PDGFRL: variants seen among roughly 807,000 people sequenced by gnomAD.
PDGFRL encodes platelet-derived growth factor receptor-like protein.
In PDGFRL, 46 loss-of-function variants were observed where a neutral mutation model predicts 37.2. That is an observed-to-expected ratio of 1.24 (90% CI 0.98 to 1.58). PDGFRL has a LOEUF of 1.58. PDGFRL is among the 40% of genes most tolerant of loss of function. The pLI is 0.00. For synonymous variants in PDGFRL, 251 were observed against 184.3 expected, an observed-to-expected ratio of 1.36 and a Z score of -2.93; for missense variants, 692 against 467.6, an observed-to-expected ratio of 1.48 and a Z score of -4.43.
chr8:17,584,863 T>C (rs1170603629), intron 1 of PDGFRL, among the ~76,000 whole-genome samples: 5 of 152,120 alleles, frequency 3.3e-5, no homozygotes, highest in African/African-American at 1.2e-4. Context: ...GCAAATCTAT[T>C]AAGAAAGTAA....
intron 2 of PDGFRL, among the ~76,000 whole-genome samples, chr8:17,601,595 G>A (rs1346743306): frequency 6.6e-6 from 1 of 152,118 alleles, no homozygotes; most frequent in Non-Finnish European, 1.5e-5. Context: ...CCGATAGGTA[G>A]TTTCTCAGTC....
intron 5 of PDGFRL, among the ~76,000 whole-genome samples, chr8:17,635,943 C>T (rs184349707): frequency 6.6e-6 from 1 of 152,144 alleles, no homozygotes; most frequent in Admixed American, 6.5e-5. Flanking sequence ...CTATTCATGT[C>T]CTAAGCCCAA....
chr8:17,638,900 C>T (rs1228782917), intron 5 of PDGFRL, among the ~76,000 whole-genome samples: 1 of 151,102 alleles, frequency 6.6e-6, no homozygotes, highest in Non-Finnish European at 1.5e-5. Flanking sequence ...AGAACAGCTA[C>T]TCCTCTATAA....
At chr8:17,626,848 A>C (rs1804744315) in intron 3 of PDGFRL, among the ~76,000 whole-genome samples, 2 of 152,004 alleles carry the variant, frequency 1.3e-5, no homozygotes, top group African/African-American at 4.8e-5. Flanking sequence ...CTCCCATTTC[A>C]GTAAGATAAA....
At chr8:17,596,929 T>C (rs1804065376) in intron 2 of PDGFRL, among the ~76,000 whole-genome samples, 1 of 152,254 alleles carries the variant, frequency 6.6e-6, no homozygotes, top group Admixed American at 6.5e-5. Context: ...TGTTTTCTTT[T>C]TTCCGTAGAA....
At chr8:17,588,251 T>C (rs531777483) in intron 1 of PDGFRL, among the ~76,000 whole-genome samples, 1 of 152,324 alleles carries the variant, frequency 6.6e-6, no homozygotes, top group East Asian at 1.9e-4. Flanking sequence ...ATAATTTATA[T>C]GTAAGCTTCA....
chr8:17,601,546 G>T (rs1443043577), intron 2 of PDGFRL, among the ~76,000 whole-genome samples: 3 of 152,016 alleles, frequency 2.0e-5, no homozygotes, highest in Non-Finnish European at 4.4e-5. Flanking sequence ...CGAGGGTTTG[G>T]TGTAGATTAT....
chr8:17,633,976 A>G, intron 4 of PDGFRL, 98 bp from the exon 5 acceptor site: 6 of 1,272,770 alleles, frequency 4.7e-6, no homozygotes, highest in Non-Finnish European at 6.9e-6. Context: ...AGAAAGGCAG[A>G]AAATTCCATC....
In PDGFRL at chr8:17,598,999, G is replaced by T. The variant is rs1461958681; in HGVS notation, c.353+9234G>T. 5.3e-5 allele frequency among the ~76,000 whole-genome samples: 8 copies of T among 152,216 alleles called. No homozygotes were observed. The South Asian group carries it at 1.5e-3, about 28-fold the overall frequency. ...TCCTTTATACATTACTCAGTCTCAG[G>T]TATGTCTTTATTAGCAATGTGAGAA... On this transcript the variant is annotated intron_variant, in intron 2 of 5. Coordinates refer to ENST00000251630, the MANE Select transcript of PDGFRL (RefSeq NM_001372073.1).
intron 2 of PDGFRL, among the ~76,000 whole-genome samples, chr8:17,614,135 G>C (rs924340300): frequency 6.6e-6 from 1 of 152,178 alleles, no homozygotes; most frequent in Non-Finnish European, 1.5e-5. Flanking sequence ...ATAAATGATA[G>C]ATTGATTCGT....
chr8:17,623,751 G>C (rs1804679195), intron 3 of PDGFRL, among the ~76,000 whole-genome samples: 1 of 151,932 alleles, frequency 6.6e-6, no homozygotes, highest in African/African-American at 2.4e-5. Flanking sequence ...GTGCACAGTT[G>C]TGCTCCCAGC....
chr8:17,602,189 G>T (rs1330886741), intron 2 of PDGFRL, among the ~76,000 whole-genome samples: 4 of 152,178 alleles, frequency 2.6e-5, no homozygotes, highest in Admixed American at 6.6e-5. Flanking sequence ...TTGTGGATTT[G>T]GTTTGGATTT....
At chr8:17,597,012 GT>G (rs1372928295) in intron 2 of PDGFRL, among the ~76,000 whole-genome samples, 1 of 147,298 alleles carries the variant, frequency 6.8e-6, no homozygotes. Context: ...AAGCCTTGTA[GT>G]TTTTTTTGTT....
At chr8:17,608,038 C>A (rs1371027357) in intron 2 of PDGFRL, among the ~76,000 whole-genome samples, 1 of 152,196 alleles carries the variant, frequency 6.6e-6, no homozygotes, top group Admixed American at 6.5e-5. Context: ...CGCCCAGAAC[C>A]TTCTCTTGTC....
At chr8:17,620,748 T>G (rs1166520137) in intron 2 of PDGFRL, among the ~76,000 whole-genome samples, 1 of 152,224 alleles carries the variant, frequency 6.6e-6, no homozygotes, top group South Asian at 2.1e-4. Flanking sequence ...TTTACCTCAT[T>G]GTATTACGCT....
intron 1 of PDGFRL, among the ~76,000 whole-genome samples, chr8:17,581,403 G>T (rs1228056651): frequency 6.6e-6 from 1 of 152,244 alleles, no homozygotes; most frequent in East Asian, 1.9e-4. Context: ...TAGATGAGAT[G>T]AAAGTCACTG....
chr8:17,625,090 T>G (rs1488219242), intron 3 of PDGFRL, among the ~76,000 whole-genome samples: 1 of 151,670 alleles, frequency 6.6e-6, no homozygotes, highest in Non-Finnish European at 1.5e-5. Flanking sequence ...GCTGCACCCA[T>G]TAACTCGTCA....
intron 2 of PDGFRL, among the ~76,000 whole-genome samples, chr8:17,592,717 G>GC (rs1482833698): frequency 1.3e-5 from 2 of 152,010 alleles, no homozygotes; most frequent in Admixed American, 6.5e-5. Context: ...CCCATGGCAG[G>GC]CCCCCCCAGC....
intron 1 of PDGFRL, among the ~76,000 whole-genome samples, chr8:17,586,338 G>A (rs1236752635): frequency 1.3e-5 from 2 of 152,182 alleles, no homozygotes; most frequent in African/African-American, 2.4e-5. Context: ...TCCAGGAAGA[G>A]GAGGCTGTCA....
Sources: allele counts gnomAD v4.1 joint callset (sites outside exome capture counted in the v4.1 genomes callset), GRCh38; gene constraint gnomAD v4.1.1; transcripts MANE v1.5; gene names NCBI Gene and HGNC (gene_info 2026-07-23, HGNC 2026-07-21).